Variants in ITGBL1 observed in about 807,000 individuals in gnomAD.
The protein encoded by ITGBL1 is integrin subunit beta like 1.
A neutral mutation model predicts 68.5 loss-of-function variants in ITGBL1; 51 were observed. The observed-to-expected ratio is 0.74, with a 90% CI of 0.59 to 0.94. The LOEUF is 0.94. ITGBL1 is among the 40% of genes least tolerant of loss of function. ITGBL1 has a pLI of 0.00. For missense variants in ITGBL1, 649 were observed against 647.4 expected, an observed-to-expected ratio of 1.00 and a Z score of -0.03; for synonymous variants, 209 against 227.3, an observed-to-expected ratio of 0.92 and a Z score of 0.72.
intron 2 of ITGBL1, among the ~76,000 whole-genome samples, chr13:101,477,558 A>G (rs1273184354): frequency 6.6e-6 from 1 of 152,092 alleles, no homozygotes; most frequent in Non-Finnish European, 1.5e-5. Flanking sequence ...TGTTTTGAAA[A>G]GATAAACAAA....
At chr13:101,679,107 C>G (rs1168539513) in intron 7 of ITGBL1, among the ~76,000 whole-genome samples, 13 of 151,746 alleles carry the variant, frequency 8.6e-5, no homozygotes, top group Admixed American at 8.5e-4. Flanking sequence ...GCGGTTTCAC[C>G]ATGTTGGCCA....
intron 5 of ITGBL1, among the ~76,000 whole-genome samples, chr13:101,581,680 T>C (rs937588393): frequency 3.9e-5 from 6 of 152,196 alleles, no homozygotes; most frequent in African/African-American, 9.6e-5. Context: ...TAATTCCCCA[T>C]TGAACAATAT....
intron 3 of ITGBL1, among the ~76,000 whole-genome samples, chr13:101,568,866 G>C (rs1010052656): frequency 6.6e-6 from 1 of 152,116 alleles, no homozygotes; most frequent in Admixed American, 6.6e-5. Context: ...TATCCAAAGC[G>C]AGGTGTGAGT....
At chr13:101,544,944 G>A (rs368506559) in intron 2 of ITGBL1, among the ~76,000 whole-genome samples, 1 of 152,206 alleles carries the variant, frequency 6.6e-6, no homozygotes, top group African/African-American at 2.4e-5. Flanking sequence ...TCCAGGTGCT[G>A]TCTTTTATCC....
intron 7 of ITGBL1, among the ~76,000 whole-genome samples, chr13:101,645,393 A>G (rs2032526213): frequency 6.6e-6 from 1 of 152,092 alleles, no homozygotes; most frequent in African/African-American, 2.4e-5. Context: ...TTTTTCATAC[A>G]ATTATATTTC....
chr13:101,697,675 T>C (rs965479890), intron 8 of ITGBL1, among the ~76,000 whole-genome samples: 1 of 152,184 alleles, frequency 6.6e-6, no homozygotes, highest in Admixed American at 6.5e-5. Context: ...TATGTATTTG[T>C]TTGACCTGTC....
rs1319167269 is a variant in ITGBL1, at chr13:101,692,899, T to C, written c.1132+198T>C. The C allele has an allele frequency of 7.2e-6, 4 of 559,080 alleles. No homozygotes were observed. The African/African-American group carries it at 7.5e-5, about 11-fold the overall frequency. The allele number at this position is 559,080 out of a possible 1,614,324, so 34.6% of individuals were successfully genotyped here. Reference sequence around the variant, plus strand: ...CCCTGAACTCTTTATTTAGCAGGTATGTGAAAGTACGCAGTACACTATCAA... The same window carrying C: ...CCCTGAACTCTTTATTTAGCAGGTACGTGAAAGTACGCAGTACACTATCAA... On this transcript the variant is annotated intron_variant, in intron 8 of 10. Transcript: ENST00000376180.
At position 101,471,510 on chromosome 13, in the gene ITGBL1, ATG is replaced by A. The variant is rs10634284; in HGVS notation, c.316+17426_316+17427del. Among the ~76,000 whole-genome samples, 1,055 of 133,910 alleles carry A rather than the reference ATG, an allele frequency of 7.9e-3. 11 individuals are homozygous for A. Among genetic ancestry groups the A allele is most frequent in the African/African-American group, 0.027 (826 of 30,582 alleles). The allele number at this position is 133,910 out of a possible 152,430, so 87.9% of individuals were successfully genotyped here. On this transcript the variant is annotated intron_variant, in intron 2 of 10. Transcript: ENST00000376180. ...TTACAGAAAGGCAACACAAATATAT[ATG>A]TGTGTGTGTGTGTGTATGTATGTGT...
intron 2 of ITGBL1, among the ~76,000 whole-genome samples, chr13:101,481,855 A>G (rs9557671): frequency 0.19 from 29,483 of 151,996 alleles, 3,392 homozygotes; most frequent in East Asian, 0.43. Context: ...ATTTCAATAT[A>G]TGTATACAAT....
intron 7 of ITGBL1, among the ~76,000 whole-genome samples, chr13:101,660,582 C>G (rs555874289): frequency 1.7e-3 from 265 of 152,314 alleles, no homozygotes; most frequent in Non-Finnish European, 3.2e-3. Context: ...AGGTCCCTCT[C>G]ATCTTCCTAA....
intron 2 of ITGBL1, among the ~76,000 whole-genome samples, chr13:101,503,134 T>G (rs556119576): frequency 9.2e-4 from 140 of 152,310 alleles, no homozygotes; most frequent in African/African-American, 3.1e-3. Flanking sequence ...GGTAATCAAT[T>G]TTAAAGTCCT....
At chr13:101,589,294 A>G (rs1350386351) in intron 6 of ITGBL1, among the ~76,000 whole-genome samples, 1 of 152,188 alleles carries the variant, frequency 6.6e-6, no homozygotes, top group African/African-American at 2.4e-5. Context: ...ATACAGTAAG[A>G]TATCTTGTTT....
At chr13:101,567,018 A>C (rs2050192810) in intron 2 of ITGBL1, among the ~76,000 whole-genome samples, 1 of 152,178 alleles carries the variant, frequency 6.6e-6, no homozygotes, top group Admixed American at 6.6e-5. Flanking sequence ...TGTCAGACTA[A>C]TGTGCAATCA....
intron 7 of ITGBL1, among the ~76,000 whole-genome samples, chr13:101,617,675 G>A (rs1056453351): frequency 2.0e-5 from 3 of 152,056 alleles, no homozygotes; most frequent in Admixed American, 2.0e-4. Context: ...TTGATGTTTT[G>A]CATTTCCTAC....
chr13:101,580,472 G>A (rs748475419), intron 5 of ITGBL1, among the ~76,000 whole-genome samples: 6 of 151,850 alleles, frequency 4.0e-5, no homozygotes, highest in Non-Finnish European at 8.8e-5. Context: ...TTAAGTTCTA[G>A]GGTGCATTGC....
At chr13:101,671,469 C>T (rs371881343) in intron 7 of ITGBL1, among the ~76,000 whole-genome samples, 120 of 107,744 alleles carry the variant, frequency 1.1e-3, no homozygotes, top group African/African-American at 3.5e-3. Flanking sequence ...GACGGAGTCT[C>T]GCTCTGTCGC....
chr13:101,715,677 ATTC>A lies in ITGBL1; in HGVS notation c.*26_*28del. On this transcript the variant is annotated 3_prime_UTR_variant, in exon 11 of 11. Coordinates refer to ENST00000376180, the MANE Select transcript of ITGBL1 (RefSeq NM_004791.3). ...TAACAATTACATGAGAGAGGTCTGG[ATTC>A]TTATTTTTTCTGGGCCATTAGAACA... The A allele has an allele frequency of 6.6e-7, 1 of 1,512,212 alleles. No homozygotes were observed. The highest frequency in any genetic ancestry group is 1.4e-5 in the African/African-American group (1 of 73,048). The allele number at this position is 1,512,212 out of a possible 1,614,324, so 93.7% of individuals were successfully genotyped here.
At chr13:101,620,165 T>C (rs1011732981) in intron 7 of ITGBL1, among the ~76,000 whole-genome samples, 3 of 152,200 alleles carry the variant, frequency 2.0e-5, no homozygotes, top group Non-Finnish European at 4.4e-5. Flanking sequence ...ATTGTAATTC[T>C]ACATTGCAAT....
chr13:101,714,116 C>A (rs141255953), intron 9 of ITGBL1: 2 of 224,402 alleles, frequency 8.9e-6, no homozygotes, highest in African/African-American at 2.3e-5. Context: ...AGGAAAAAAT[C>A]TATTTTTGAA....
Sources: gnomAD v4.1 joint callset for allele counts (sites outside exome capture counted in the v4.1 genomes callset) on GRCh38, gnomAD v4.1.1 for gene constraint, MANE v1.5 for transcripts, NCBI Gene and HGNC (gene_info 2026-07-23, HGNC 2026-07-21) for gene names.